Variants in PANX2 observed in about 807,000 individuals in gnomAD.
PANX2 encodes the protein pannexin-2.
In PANX2, 30 loss-of-function variants were observed where a neutral mutation model predicts 38.7. The observed-to-expected ratio is 0.78, with a 90% CI of 0.58 to 1.05. The LOEUF (loss-of-function observed/expected upper bound fraction) is 1.05. Among genes scored for constraint, PANX2 ranks in the 50% least tolerant of loss-of-function variants. The pLI, the probability that PANX2 is intolerant of heterozygous loss-of-function variation, is 0.00. For synonymous variants in PANX2, 539 were observed against 472.1 expected (o/e 1.14, Z -1.84); for missense variants, 880 against 979.3 (o/e 0.90, Z 1.35).
rs2063686167 is a variant in PANX2 at position 50,179,403 on chromosome 22, A to G, written c.*126A>G. ...TTCGCCCGCACTGCGCGCATCCCCA[A>G]CCTCTGTCCGCATGCCTGGGGCCTT... is the stretch of plus-strand genomic sequence containing the variant. On this transcript the variant is annotated 3_prime_UTR_variant, in exon 3 of 3. Transcript: ENST00000395842. The G allele has an allele frequency of 6.0e-6, 5 of 827,924 alleles. No individual in the cohort carries two copies. The highest frequency in any genetic ancestry group is 2.8e-5 in the East Asian group (1 of 36,012). The allele number at this position is 827,924 out of a possible 1,614,324, so 51.3% of individuals were successfully genotyped here. A position where few individuals can be genotyped will look rare whatever the true frequency, so the allele number is the denominator to read the frequency against.
intron 1 of PANX2, among the ~76,000 whole-genome samples, chr22:50,172,895 ATT>A (rs1165494263): frequency 5.7e-5 from 5 of 87,072 alleles, no homozygotes; most frequent in African/African-American, 8.4e-5. Context: ...CGCCTGGCTC[ATT>A]TTTTTTTTTT....
Position 50,179,565 on chromosome 22 carries a change from A to G in PANX2, c.*288A>G, listed in dbSNP as rs2063687489. 1 of 464,754 alleles carries G rather than the reference A, an allele frequency of 2.2e-6. No homozygotes were observed. The highest frequency in any genetic ancestry group is 2.7e-5 in the South Asian group (1 of 37,016). 28.8% of individuals were successfully genotyped at this position (464,754 alleles called of 1,614,324 possible). A position where few individuals can be genotyped will look rare whatever the true frequency, so the allele number is the denominator to read the frequency against. On this transcript the variant is annotated 3_prime_UTR_variant, in exon 3 of 3. Transcript: ENST00000395842. ...TCCCATGCTCCTGCATCAGGTGCCC[A>G]GCCGTGGGTGGGGGCCCTGAGGTGA... is the stretch of plus-strand genomic sequence containing the variant.
At position 50,177,465 on chromosome 22, in the gene PANX2, G is replaced by C; in HGVS notation, c.753G>C (p.Thr251=). 1 of 1,608,596 alleles carries C rather than the reference G, an allele frequency of 6.2e-7. No homozygotes were observed. Among genetic ancestry groups the C allele is most frequent in the Non-Finnish European group, 8.5e-7 (1 of 1,178,078 alleles). The change falls in exon 2 of 3, where the codon ACG becomes ACC. Residue 251 remains threonine (T), a synonymous_variant. Transcript: ENST00000395842. ...PISYLCTYYA[T]QKQNEFTCAL... ...CCTACCTGTGCACCTACTACGCCACGCAGAAGCAGAACGAGTTCACCTGCG... is the reference window on the plus strand; with the variant it reads ...CCTACCTGTGCACCTACTACGCCACCCAGAAGCAGAACGAGTTCACCTGCG...
At chr22:50,175,923 G>A (rs1271969756) in intron 1 of PANX2, among the ~76,000 whole-genome samples, 1 of 152,230 alleles carries the variant, frequency 6.6e-6, no homozygotes, top group Non-Finnish European at 1.5e-5. Context: ...CGGCACAGAC[G>A]GACAGGCCTG....
intron 1 of PANX2, chr22:50,175,522 T>C (rs1399316286): frequency 5.4e-6 from 6 of 1,101,524 alleles, no homozygotes; most frequent in Admixed American, 2.5e-5. Flanking sequence ...AGAGAGTGGA[T>C]TCCTTTGCCT....
Position 50,175,393 on chromosome 22 carries a change from C to T in PANX2, c.227-1546C>T, listed in dbSNP as rs544238304. ...GTGGCTGCCAGGGATGGGCCCAGCT[C>T]AGGACGGGACACAAACCTGTCCCTG... On this transcript the variant is annotated intron_variant, in intron 1 of 2. Coordinates refer to ENST00000395842, the MANE Select transcript of PANX2 (RefSeq NM_052839.4). 39 of 1,192,580 alleles carry T rather than the reference C, an allele frequency of 3.3e-5. No individual in the cohort carries two copies. In the South Asian group the frequency reaches 3.6e-4, roughly 11 times the overall value. The allele number at this position is 1,192,580 out of a possible 1,614,324, so 73.9% of individuals were successfully genotyped here. A position where few individuals can be genotyped will look rare whatever the true frequency, so the allele number is the denominator to read the frequency against.
chr22:50,171,135 C>T (rs755883123), intron 1 of PANX2, among the ~76,000 whole-genome samples, 179 bp downstream of exon 1: 4 of 152,230 alleles, frequency 2.6e-5, no homozygotes, highest in Non-Finnish European at 5.9e-5. Context: ...TGTCGCTGGT[C>T]GCACAGACCC....
chr22:50,179,157 G>GGAA lies in PANX2; in HGVS notation c.1916_1917insAGA (p.Glu638dup). Reference sequence around the variant, plus strand: ...CGCTGTACGAGGCCCGGGAGGAGGAGGACGGGGGCCCCCGCCTGCCGCAGG... The same window carrying GGAA: ...CGCTGTACGAGGCCCGGGAGGAGGAGGAAGACGGGGGCCCCCGCCTGCCGCAGG... On this transcript the variant is annotated inframe_insertion, in exon 3 of 3. Coordinates refer to ENST00000395842, the MANE Select transcript of PANX2 (RefSeq NM_052839.4). 5 of 1,612,312 alleles carry GGAA rather than the reference G, an allele frequency of 3.1e-6. No individual in the cohort carries two copies. Among genetic ancestry groups the GGAA allele is most frequent in the Non-Finnish European group, 3.4e-6 (4 of 1,179,766 alleles).
chr22:50,178,401 A>T lies in PANX2; in HGVS notation c.1689A>T (p.Lys563Asn). Reference protein sequence around the residue: ...CGLGLAPAPIKDAPLPEKEIP... With the variant: ...CGLGLAPAPINDAPLPEKEIP... The stretch of plus-strand genomic sequence containing the variant: ...TAGGCCTGGCCCCGGCGCCCATCAA[A>T]GGTAGGGGCAGGGCCGGAGAGAGGG... The change falls in exon 2 of 3, where the codon AAA (lysine) becomes AAT (asparagine). Residue 563 changes from lysine (K) to asparagine (N), a missense_variant and splice_region_variant. This residue lies in a region of PANX2 where 445 missense variants were observed against 404.3 expected (regional missense o/e 1.10). Coordinates refer to ENST00000395842, the MANE Select transcript of PANX2 (RefSeq NM_052839.4). The T allele has an allele frequency of 1.4e-6, 2 of 1,402,960 alleles. No individual in the cohort carries two copies. Among genetic ancestry groups the T allele is most frequent in the Non-Finnish European group, 1.8e-6 (2 of 1,081,936 alleles). 86.9% of individuals were successfully genotyped at this position (1,402,960 alleles called of 1,614,324 possible).
Position 50,177,511 on chromosome 22 carries a change from G to T in PANX2, c.799G>T (p.Gly267Trp), listed in dbSNP as rs746496067. 8 of 1,609,158 alleles carry T rather than the reference G, an allele frequency of 5.0e-6. No individual in the cohort carries two copies. Among genetic ancestry groups the T allele is most frequent in the African/African-American group, 1.3e-5 (1 of 74,848 alleles). The change falls in exon 2 of 3, where the codon GGG becomes TGG. Residue 267 changes from glycine to tryptophan, a missense_variant. Gly to Trp is a radical substitution (Grantham distance 184). This residue lies in a region of PANX2 where 114 missense variants were observed against 108.8 expected (regional missense o/e 1.05). Transcript: ENST00000395842. ...CTGCGCGCTGGGCGCGTCCCCGGAC[G>T]GGGCGGCAGGTGCGGGGCCCGCGGT... is the stretch of plus-strand genomic sequence containing the variant. ...FTCALGASPD[G>W]AAGAGPAVRV... is the part of the protein sequence containing the mutation.
intron 2 of PANX2, 25 bp downstream of exon 2, chr22:50,178,427 G>GAC (rs2063678244): frequency 2.9e-6 from 4 of 1,360,580 alleles, no homozygotes; most frequent in Non-Finnish European, 3.8e-6. Context: ...GGAGAGAGGG[G>GAC]ACGGGGGACT....
Position 50,179,144 on chromosome 22 carries a change from C to G in PANX2, c.1901C>G (p.Ala634Gly). 2 of 1,612,304 alleles carry G rather than the reference C, an allele frequency of 1.2e-6. No homozygotes were observed. The highest frequency in any genetic ancestry group is 2.2e-5 in the South Asian group (2 of 91,012). Residue 634 changes from alanine (A) to glycine (G), a missense_variant, in exon 3 of 3, where the codon GCC (alanine) becomes GGC (glycine). Transcript: ENST00000395842. ...PLLHINTLYEAREEEDGGPRL... is the reference protein window; with the variant it reads ...PLLHINTLYEGREEEDGGPRL... ...CTGCACATCAACACGCTGTACGAGGCCCGGGAGGAGGAGGACGGGGGCCCC... is the reference window on the plus strand; with the variant it reads ...CTGCACATCAACACGCTGTACGAGGGCCGGGAGGAGGAGGACGGGGGCCCC...
At position 50,177,970 on chromosome 22, in the gene PANX2, C is replaced by G. The variant is rs1483444115; in HGVS notation, c.1258C>G (p.Pro420Ala). Reference sequence around the variant, plus strand: ...CGCCGAGCCCGACGGCGCCGCCGAGCCGCCCGTGGTCAAGCGGCCGCGCAA... The same window carrying G: ...CGCCGAGCCCGACGGCGCCGCCGAGGCGCCCGTGGTCAAGCGGCCGCGCAA... Reference protein sequence around the residue: ...NPAEPDGAAEPPVVKRPRKKM... With the variant: ...NPAEPDGAAEAPVVKRPRKKM... Residue 420 changes from proline (P) to alanine (A), a missense_variant, in exon 2 of 3, where the codon CCG (proline) becomes GCG (alanine). Coordinates refer to ENST00000395842, the MANE Select transcript of PANX2 (RefSeq NM_052839.4). 6.5e-7 allele frequency: 1 copy of G among 1,534,434 alleles called. No individual in the cohort carries two copies. The highest frequency in any genetic ancestry group is 2.0e-5 in the Admixed American group (1 of 50,334).
intron 1 of PANX2, among the ~76,000 whole-genome samples, chr22:50,172,728 TTTTTTA>T (rs2063639063): frequency 6.7e-6 from 1 of 148,268 alleles, no homozygotes; most frequent in Non-Finnish European, 1.5e-5. Flanking sequence ...CCCCCCCGCT[TTTTTTA>T]TTTTTATTTT....
Position 50,177,428 on chromosome 22 carries a change from C to T in PANX2, c.716C>T (p.Ala239Val), listed in dbSNP as rs1372958030. Residue 239 changes from alanine to valine, a missense_variant, in exon 2 of 3, where the codon GCC becomes GTC. Transcript: ENST00000395842. ...CACGTGCTGATCCTGCTGCTGAGCG[C>T]CGTGCCCATCTCCTACCTGTGCACC... ...ARHVLILLLS[A>V]VPISYLCTYY... 1 of 1,608,532 alleles carries T rather than the reference C, an allele frequency of 6.2e-7. No homozygotes were observed. Among genetic ancestry groups the T allele is most frequent in the East Asian group, 2.2e-5 (1 of 44,608 alleles).
rs1246260710 is a variant in PANX2, at chr22:50,179,295, GC to G, written c.*20del. The stretch of plus-strand genomic sequence containing the variant: ...AGTTTTGAGGGATGGCACCGTCCAG[GC>G]CGCCGAGAGCCCCTCTGCCTGTGTC... On this transcript the variant is annotated 3_prime_UTR_variant, in exon 3 of 3. Transcript: ENST00000395842. 3 of 1,597,416 alleles carry G rather than the reference GC, an allele frequency of 1.9e-6. No homozygotes were observed. The highest frequency in any genetic ancestry group is 2.6e-6 in the Non-Finnish European group (3 of 1,169,866).
chr22:50,174,295 T>C (rs1602398647), intron 1 of PANX2, among the ~76,000 whole-genome samples: 1 of 74,788 alleles, frequency 1.3e-5, no homozygotes, highest in Non-Finnish European at 2.5e-5. Flanking sequence ...ATCGCAGGGG[T>C]GGGCTGGAGA....
intron 1 of PANX2, chr22:50,175,594 C>T (rs1243360713): frequency 1.1e-5 from 5 of 443,040 alleles, no homozygotes; most frequent in Admixed American, 3.6e-5. Context: ...ACCGAGGACT[C>T]GGGCCTCAGG....
chr22:50,178,498 G>A (rs758686121), intron 2 of PANX2, 96 bp downstream of exon 2: 142 of 776,596 alleles, frequency 1.8e-4, no homozygotes, highest in Non-Finnish European at 2.5e-4. Flanking sequence ...GGGCGCTAGG[G>A]AAGGGAGGGG....
Sources: gnomAD v4.1 joint callset for allele counts (sites outside exome capture counted in the v4.1 genomes callset) on GRCh38, gnomAD v4.1.1 for gene constraint, gnomAD v4.1.1 regional missense constraint, MANE v1.5 for transcripts, NCBI Gene and HGNC (gene_info 2026-07-23, HGNC 2026-07-21) for gene names.